TFCP2L1: variants seen among roughly 807,000 people sequenced by gnomAD.
TFCP2L1 encodes the protein transcription factor CP2-like protein 1.
A neutral mutation model predicts 72.2 loss-of-function variants in TFCP2L1; 12 were observed. The ratio of observed to expected loss-of-function variants is 0.17; its 90% CI spans 0.11 to 0.27. The LOEUF is 0.27. Ranked by LOEUF, TFCP2L1 falls within the 10% of genes least tolerant of loss-of-function variation. The pLI is 1.00. For synonymous variants in TFCP2L1, 260 were observed against 251.0 expected (o/e 1.04, Z -0.34); for missense variants, 488 against 624.6 (o/e 0.78, Z 2.33).
At chr2:121,227,707 T>A (rs1686057072) in intron 13 of TFCP2L1, among the ~76,000 whole-genome samples, 1 of 117,168 alleles carries the variant, frequency 8.5e-6, no homozygotes, top group South Asian at 2.9e-4. Context: ...AAATAAAATA[T>A]ATAAACATAC....
intron 7 of TFCP2L1, chr2:121,240,730 G>C (rs1686350768): frequency 1.0e-6 from 1 of 985,266 alleles, no homozygotes; most frequent in Non-Finnish European, 1.2e-6. Flanking sequence ...GGAACACTCT[G>C]GGCAGTGGCA....
rs555662067 is a variant in TFCP2L1 at position 121,219,779 on chromosome 2, G to T, written c.*4562C>A. 6.6e-6 allele frequency: 1 copy of T among 152,210 alleles called. No homozygotes were observed. The highest frequency in any genetic ancestry group is 2.4e-5 in the African/African-American group (1 of 41,444). 9.4% of individuals were successfully genotyped at this position (152,210 alleles called of 1,614,324 possible). A position where few individuals can be genotyped will look rare whatever the true frequency, so the allele number is the denominator to read the frequency against. Reference sequence around the variant, plus strand: ...GGCCACCACGTCCAGCTTTTTGTACGATTTTGATGGAGGGAAAAATGGGAA... The same window carrying T: ...GGCCACCACGTCCAGCTTTTTGTACTATTTTGATGGAGGGAAAAATGGGAA... On this transcript the variant is annotated 3_prime_UTR_variant, in exon 15 of 15. Transcript: ENST00000263707.
At chr2:121,244,375 C>T (rs1035008344) in intron 6 of TFCP2L1, among the ~76,000 whole-genome samples, 2 of 152,224 alleles carry the variant, frequency 1.3e-5, no homozygotes, top group Non-Finnish European at 2.9e-5. Flanking sequence ...CAGCTTGGCT[C>T]GGCTCAGCCT....
intron 2 of TFCP2L1, among the ~76,000 whole-genome samples, chr2:121,270,182 G>A (rs184154476): frequency 2.0e-5 from 3 of 152,166 alleles, no homozygotes; most frequent in African/African-American, 7.2e-5. Flanking sequence ...TTACCAAAGG[G>A]TAAACAGTGT....
chr2:121,233,186 G>T (rs1401559702), intron 12 of TFCP2L1, among the ~76,000 whole-genome samples: 2 of 151,996 alleles, frequency 1.3e-5, no homozygotes, highest in African/African-American at 2.4e-5. Context: ...AGGTGTGGGG[G>T]TGTGCACTTT....
intron 7 of TFCP2L1, chr2:121,240,403 C>G: frequency 1.0e-6 from 1 of 985,450 alleles, no homozygotes; most frequent in Non-Finnish European, 1.2e-6. Context: ...GATGATGCCT[C>G]TTCAGAGAGG....
intron 7 of TFCP2L1, among the ~76,000 whole-genome samples, chr2:121,241,991 C>T (rs1260185777): frequency 1.4e-5 from 2 of 143,282 alleles, no homozygotes; most frequent in Admixed American, 1.5e-4. Flanking sequence ...GGGGAGAAAC[C>T]ATGAAGCTGG....
At chr2:121,276,939 T>G (rs1215582565) in intron 2 of TFCP2L1, among the ~76,000 whole-genome samples, 1 of 146,952 alleles carries the variant, frequency 6.8e-6, no homozygotes, top group Non-Finnish European at 1.5e-5. Flanking sequence ...AATAGATCTC[T>G]ACAGAAAAAA....
chr2:121,226,113 ACGGGAACACGG>A (rs1327079214), intron 13 of TFCP2L1, among the ~76,000 whole-genome samples: 120 of 150,078 alleles, frequency 8.0e-4, no homozygotes, highest in Middle Eastern at 3.5e-3. Flanking sequence ...GTCTACACAC[ACGGGAACACGG>A]TAAACACCAC....
At position 121,221,716 on chromosome 2, in the gene TFCP2L1, C is replaced by T. The variant is rs1276435989; in HGVS notation, c.*2625G>A. ...AGGCAATGGTTTTCTAGATATGGCA[C>T]CAAAAGCACAAGTGACAATAGAAAA... On this transcript the variant is annotated 3_prime_UTR_variant, in exon 15 of 15. Coordinates refer to ENST00000263707, the MANE Select transcript of TFCP2L1 (RefSeq NM_014553.3). 1.3e-5 allele frequency: 2 copies of T among 152,034 alleles called. No homozygotes were observed. The highest frequency in any genetic ancestry group is 1.3e-4 in the Admixed American group (2 of 15,254). The allele number at this position is 152,034 out of a possible 1,614,324, so 9.4% of individuals were successfully genotyped here. A position where few individuals can be genotyped will look rare whatever the true frequency, so the allele number is the denominator to read the frequency against.
chr2:121,256,955 G>A (rs925145275), intron 2 of TFCP2L1, among the ~76,000 whole-genome samples: 3 of 151,934 alleles, frequency 2.0e-5, no homozygotes, highest in South Asian at 2.1e-4. Flanking sequence ...GTCCTGCAAC[G>A]GCCCCAGGAA....
chr2:121,239,479 A>T, intron 8 of TFCP2L1, 79 bp downstream of exon 8: 5 of 1,488,616 alleles, frequency 3.4e-6, no homozygotes, highest in Non-Finnish European at 4.7e-6. Flanking sequence ...AGGAGAGGAG[A>T]CCCAGAAAGG....
intron 2 of TFCP2L1, among the ~76,000 whole-genome samples, chr2:121,279,193 T>C (rs977368985): frequency 6.6e-6 from 1 of 152,178 alleles, no homozygotes; most frequent in Non-Finnish European, 1.5e-5. Context: ...CAAAGCTCAA[T>C]GGATGCTATA....
intron 10 of TFCP2L1, among the ~76,000 whole-genome samples, chr2:121,236,484 C>T (rs1470631224): frequency 6.6e-6 from 1 of 152,158 alleles, no homozygotes; most frequent in African/African-American, 2.4e-5. Flanking sequence ...AGAGCCTGGT[C>T]CCACACACTC....
At chr2:121,252,506 A>G (rs1686632071) in intron 2 of TFCP2L1, among the ~76,000 whole-genome samples, 1 of 152,190 alleles carries the variant, frequency 6.6e-6, no homozygotes, top group African/African-American at 2.4e-5. Context: ...CACAATTAAG[A>G]TTCTGAGACG....
intron 2 of TFCP2L1, among the ~76,000 whole-genome samples, chr2:121,258,926 G>A (rs553771485): frequency 6.6e-6 from 1 of 152,260 alleles, no homozygotes; most frequent in African/African-American, 2.4e-5. Context: ...TTGTTCTTAG[G>A]AAATACATGC....
At chr2:121,274,519 T>C (rs1212699741) in intron 2 of TFCP2L1, among the ~76,000 whole-genome samples, 2 of 152,208 alleles carry the variant, frequency 1.3e-5, no homozygotes, top group African/African-American at 2.4e-5. Flanking sequence ...TAAGTGAATT[T>C]TGTGTTTAGA....
Position 121,248,973 on chromosome 2 carries a change from G to A in TFCP2L1, c.397+9C>T. ...GCCTTGCCTGGCCTCTCCTGGCCAG[G>A]AGACTCACCGATGTCCAGGATCCGG... On this transcript the variant is annotated intron_variant, in intron 4 of 14. Coordinates refer to ENST00000263707, the MANE Select transcript of TFCP2L1 (RefSeq NM_014553.3). 1 of 1,577,360 alleles carries A rather than the reference G, an allele frequency of 6.3e-7. No homozygotes were observed. Among genetic ancestry groups the A allele is most frequent in the Non-Finnish European group, 8.6e-7 (1 of 1,162,230 alleles).
intron 2 of TFCP2L1, among the ~76,000 whole-genome samples, chr2:121,254,705 G>A (rs1050404950): frequency 2.0e-5 from 3 of 152,086 alleles, no homozygotes; most frequent in African/African-American, 4.8e-5. Context: ...CAGGAGGCTG[G>A]GGCAAGAGAG....
Sources: gnomAD v4.1 joint callset for allele counts (sites outside exome capture counted in the v4.1 genomes callset) on GRCh38, gnomAD v4.1.1 for gene constraint, MANE v1.5 for transcripts, NCBI Gene and HGNC (gene_info 2026-07-23, HGNC 2026-07-21) for gene names.